ALDH1A1: variants seen among roughly 807,000 people sequenced by gnomAD.
The protein encoded by ALDH1A1 is aldehyde dehydrogenase 1A1.
In ALDH1A1, 19 loss-of-function variants were observed where a neutral mutation model predicts 62.1. That is an observed-to-expected ratio of 0.31 (90% CI 0.21 to 0.45). The LOEUF (loss-of-function observed/expected upper bound fraction) is 0.45. Among genes scored for constraint, ALDH1A1 ranks in the 20% least tolerant of loss-of-function variants. The probability of loss-of-function intolerance (pLI) is 1.00; values close to 1 mark genes in which losing one functional copy is unlikely to be tolerated. For synonymous variants in ALDH1A1, 231 were observed against 215.9 expected (o/e 1.07, Z -0.61); for missense variants, 521 against 607.1 (o/e 0.86, Z 1.49).
intron 2 of ALDH1A1, among the ~76,000 whole-genome samples, chr9:72,931,740 G>A (rs1830284532): frequency 6.6e-6 from 1 of 152,198 alleles, no homozygotes; most frequent in Admixed American, 6.5e-5. Flanking sequence ...AACTAATAGA[G>A]TAGGATGTGC....
intron 7 of ALDH1A1, 56 bp downstream of exon 7, chr9:72,923,963 C>A: frequency 1.6e-6 from 2 of 1,212,450 alleles, no homozygotes; most frequent in Non-Finnish European, 1.2e-6. Flanking sequence ...ATAAAACATA[C>A]TTCATAGCTG....
intron 8 of ALDH1A1, 30 bp downstream of exon 8, chr9:72,918,690 C>A: frequency 1.7e-6 from 2 of 1,204,262 alleles, no homozygotes; most frequent in Non-Finnish European, 2.2e-6. Flanking sequence ...CGATGAAGGA[C>A]GAAAAGTTAA....
At chr9:72,944,233 A>G (rs534809979) in intron 1 of ALDH1A1, among the ~76,000 whole-genome samples, 14 of 152,250 alleles carry the variant, frequency 9.2e-5, no homozygotes, top group African/African-American at 3.4e-4. Flanking sequence ...CCAAGAAATT[A>G]GCCTTGAGAC....
chr9:72,928,984 T>C lies in ALDH1A1; in HGVS notation c.350A>G (p.Asn117Ser). 6.2e-7 allele frequency: 1 copy of C among 1,613,882 alleles called. No individual in the cohort carries two copies. The highest frequency in any genetic ancestry group is 8.5e-7 in the Non-Finnish European group (1 of 1,179,876). The change falls in exon 4 of 13, where the codon AAT becomes AGT. Residue 117 changes from asparagine (N) to serine (S), a missense_variant. By Grantham distance (46) the Asn-to-Ser change is conservative. Coordinates refer to ENST00000297785, the MANE Select transcript of ALDH1A1 (RefSeq NM_000689.5). ...GCCTGCTAAATCATTCAGATATGCATTGGAATAGAGTTTTCCACCATTCAT... is the reference window on the plus strand; with the variant it reads ...GCCTGCTAAATCATTCAGATATGCACTGGAATAGAGTTTTCCACCATTCAT... The part of the protein sequence containing the change: ...ESMNGGKLYS[N>S]AYLNDLAGCI...
intron 12 of ALDH1A1, among the ~76,000 whole-genome samples, chr9:72,904,219 G>A (rs954921452): frequency 3.3e-5 from 5 of 152,066 alleles, no homozygotes; most frequent in Non-Finnish European, 5.9e-5. Context: ...CTCCAGTAAT[G>A]TTTTCTCAGC....
At chr9:72,909,938 A>G (rs761407818) in intron 10 of ALDH1A1, among the ~76,000 whole-genome samples, 179 bp from the exon 11 acceptor site, 2 of 152,204 alleles carry the variant, frequency 1.3e-5, no homozygotes, top group Non-Finnish European at 2.9e-5. Context: ...AAAACAGATA[A>G]TGGTCAGGTG....
intron 6 of ALDH1A1, among the ~76,000 whole-genome samples, chr9:72,925,150 C>A (rs2118531661): frequency 6.6e-6 from 1 of 152,278 alleles, no homozygotes; most frequent in East Asian, 1.9e-4. Context: ...GTGGCAGGTA[C>A]AAACCAACTT....
chr9:72,947,765 A>G (rs1830492041), intron 1 of ALDH1A1, among the ~76,000 whole-genome samples: 1 of 151,886 alleles, frequency 6.6e-6, no homozygotes, highest in Non-Finnish European at 1.5e-5. Context: ...GAGCTATGTG[A>G]CCTTAAGTCA....
rs749057856 is a variant in ALDH1A1 at position 72,940,116 on chromosome 9, G to A, written c.171+32C>T. 17 of 1,516,688 alleles carry A rather than the reference G, an allele frequency of 1.1e-5. No individual in the cohort carries two copies. The Admixed American group carries it at 1.5e-4, about 13-fold the overall frequency. The allele number at this position is 1,516,688 out of a possible 1,614,324, so 94.0% of individuals were successfully genotyped here. Reference sequence around the variant, plus strand: ...GAATGGCAAAAAACCAAGAAACCTGGCATAAAATGAAACTAGTGTTCAGAA... The same window carrying A: ...GAATGGCAAAAAACCAAGAAACCTGACATAAAATGAAACTAGTGTTCAGAA... On this transcript the variant is annotated intron_variant, in intron 2 of 12. Coordinates refer to ENST00000297785, the MANE Select transcript of ALDH1A1 (RefSeq NM_000689.5).
At chr9:72,945,958 C>T (rs595958) in intron 1 of ALDH1A1, among the ~76,000 whole-genome samples, 55,571 of 151,838 alleles carry the variant, frequency 0.37, 10,464 homozygotes, top group East Asian at 0.55. Flanking sequence ...ACTTTAGTAA[C>T]GTGAGTATAT....
intron 1 of ALDH1A1, among the ~76,000 whole-genome samples, chr9:72,945,952 T>G (rs1188285934): frequency 6.6e-6 from 1 of 152,060 alleles, no homozygotes; most frequent in Non-Finnish European, 1.5e-5. Context: ...AGTCTGACTT[T>G]AGTAACGTGA....
intron 1 of ALDH1A1, among the ~76,000 whole-genome samples, chr9:72,944,953 A>G (rs370736689): frequency 1.3e-5 from 2 of 152,114 alleles, no homozygotes; most frequent in Admixed American, 1.3e-4. Context: ...GAGGCAACTT[A>G]GAAATGGATT....
intron 9 of ALDH1A1, among the ~76,000 whole-genome samples, chr9:72,913,374 T>G (rs1210087635): frequency 1.3e-5 from 2 of 152,172 alleles, no homozygotes; most frequent in African/African-American, 4.8e-5. Flanking sequence ...AAAAATAGTG[T>G]TAAGAAGAAA....
At position 72,910,785 on chromosome 9, in the gene ALDH1A1, G is replaced by A. The variant is rs183922668; in HGVS notation, c.1201-1026C>T. 2.0e-3 allele frequency among the ~76,000 whole-genome samples: 307 copies of A among 152,244 alleles called. 1 individual carries two copies. The highest frequency in any genetic ancestry group is 7.1e-3 in the African/African-American group (296 of 41,554). Reference sequence around the variant, plus strand: ...ATTTAAATGTTAGAAGGGAGGGGCTGCTGTTCAATAGAGGTTGAGTGTGAA... The same window carrying A: ...ATTTAAATGTTAGAAGGGAGGGGCTACTGTTCAATAGAGGTTGAGTGTGAA... On this transcript the variant is annotated intron_variant, in intron 10 of 12. Transcript: ENST00000297785.
intron 1 of ALDH1A1, among the ~76,000 whole-genome samples, chr9:72,950,832 C>T (rs1830536032): frequency 6.8e-6 from 1 of 147,066 alleles, no homozygotes; most frequent in Non-Finnish European, 1.5e-5. Flanking sequence ...GGTTTGTAAC[C>T]AGGGAACTTT....
chr9:72,905,905 G>GA, intron 12 of ALDH1A1, 53 bp downstream of exon 12: 1 of 1,426,168 alleles, frequency 7.0e-7, no homozygotes, highest in Non-Finnish European at 9.6e-7. Flanking sequence ...CCCTGGGAAT[G>GA]AAAATCATTT....
intron 11 of ALDH1A1, among the ~76,000 whole-genome samples, chr9:72,907,718 A>G (rs1829893240): frequency 6.6e-6 from 1 of 152,220 alleles, no homozygotes; most frequent in Non-Finnish European, 1.5e-5. Flanking sequence ...AATATTTAAT[A>G]GGATTGTTTC....
At chr9:72,911,601 C>T (rs348476) in intron 10 of ALDH1A1, among the ~76,000 whole-genome samples, 147,756 of 152,212 alleles carry the variant, frequency 0.97, 71,813 homozygotes, top group East Asian at 1. Context: ...AAAAGTGAGA[C>T]CCTGCGGTAT....
chr9:72,912,202 C>A, intron 9 of ALDH1A1, 80 bp from the exon 10 acceptor site: 1 of 1,167,974 alleles, frequency 8.6e-7, no homozygotes. Context: ...TTAACAAGGG[C>A]TTCAAAATGC....
Sources: gnomAD v4.1 joint callset for allele counts (sites outside exome capture counted in the v4.1 genomes callset) on GRCh38, gnomAD v4.1.1 for gene constraint, MANE v1.5 for transcripts, NCBI Gene and HGNC (gene_info 2026-07-23, HGNC 2026-07-21) for gene names.